ABCA8: variants seen among roughly 807,000 people sequenced by gnomAD.
ABCA8 encodes ABC-type organic anion transporter ABCA8.
Under a neutral mutation model 192.3 loss-of-function variants are expected in ABCA8, and 177 were observed. The observed-to-expected ratio is 0.92, with a 90% CI of 0.81 to 1.04. ABCA8 has a LOEUF of 1.04. Among genes scored for constraint, ABCA8 ranks in the 50% least tolerant of loss-of-function variants. ABCA8 has a pLI of 0.00. For synonymous variants in ABCA8, 642 were observed against 690.2 expected, an observed-to-expected ratio of 0.93 and a Z score of 1.09; for missense variants, 1,915 against 1,904.8, an observed-to-expected ratio of 1.01 and a Z score of -0.10.
chr17:68,875,197 C>T, intron 37 of ABCA8, 63 bp downstream of exon 37: 3 of 1,600,394 alleles, frequency 1.9e-6, no homozygotes, highest in Non-Finnish European at 2.6e-6. Flanking sequence ...GACTATCACT[C>T]AACATAACTG....
chr17:68,867,994 T>G lies in ABCA8; in HGVS notation c.*91A>C. On this transcript the variant is annotated 3_prime_UTR_variant, in exon 40 of 40. Transcript: ENST00000586539. ...CGGAGAACCATTTCTGTACTTATAA[T>G]ATAGTTTCTAAAAATAGAACATTGC... is the stretch of plus-strand genomic sequence containing the variant. The G allele has an allele frequency of 1.0e-6, 1 of 971,554 alleles. No individual in the cohort carries two copies. The allele number at this position is 971,554 out of a possible 1,614,324, so 60.2% of individuals were successfully genotyped here. A position where few individuals can be genotyped will look rare whatever the true frequency, so the allele number is the denominator to read the frequency against.
At chr17:68,922,434 CTG>C in intron 11 of ABCA8, 134 bp from the exon 12 acceptor site, 1 of 599,260 alleles carries the variant, frequency 1.7e-6, no homozygotes, top group Non-Finnish European at 2.7e-6. Context: ...ACAGTCATAG[CTG>C]TGTGACAGAA....
In ABCA8 at chr17:68,910,164, A is replaced by G. The variant is rs189025819; in HGVS notation, c.2139-2285T>C. On this transcript the variant is annotated intron_variant, in intron 17 of 39. Transcript: ENST00000586539. The stretch of plus-strand genomic sequence containing the variant: ...CCACACAAGGAAGCACCTTCATAAG[A>G]ACAAAAAAATCAGGTGAGCAATGAT... Among the ~76,000 whole-genome samples the G allele has an allele frequency of 3.0e-3, 451 of 152,324 alleles. 5 individuals carry two copies. The highest frequency in any genetic ancestry group is 4.6e-3 in the Non-Finnish European group (315 of 68,026).
chr17:68,922,965 A>G (rs1302309169), intron 11 of ABCA8, among the ~76,000 whole-genome samples: 1 of 152,172 alleles, frequency 6.6e-6, no homozygotes, highest in Non-Finnish European at 1.5e-5. Context: ...TACAGTGCAT[A>G]TAAGATGATA....
chr17:68,940,942 G>C lies in ABCA8; in HGVS notation c.117C>G (p.Leu39=), dbSNP rs2068210481. 1.2e-6 allele frequency: 2 copies of C among 1,609,290 alleles called. No homozygotes were observed. The highest frequency in any genetic ancestry group is 1.7e-6 in the Non-Finnish European group (2 of 1,175,996). ...ESLMEWLNSL[L]LLLCLYIYPH... The stretch of plus-strand genomic sequence containing the variant: ...GATATATATACAAACAAAGTAGTAG[G>C]AGCAATGAATTCAGCCATTCCTATA... The change falls in exon 4 of 40, where the codon CTC becomes CTG. Residue 39 remains leucine (L), a synonymous_variant. Coordinates refer to ENST00000586539, the MANE Select transcript of ABCA8 (RefSeq NM_001288985.2).
intron 21 of ABCA8, among the ~76,000 whole-genome samples, chr17:68,902,296 G>A (rs571019420): frequency 2.1e-4 from 32 of 152,284 alleles, no homozygotes; most frequent in South Asian, 6.2e-4. Flanking sequence ...GGGGAGGGAC[G>A]ACATGGGAGT....
intron 38 of ABCA8, 57 bp from the exon 39 acceptor site, chr17:68,868,413 A>G: frequency 7.1e-7 from 1 of 1,412,028 alleles, no homozygotes; most frequent in East Asian, 2.3e-5. Context: ...GGTCTCATAA[A>G]TCAGCATATA....
intron 1 of ABCA8, among the ~76,000 whole-genome samples, chr17:68,951,113 G>T (rs11655684): frequency 0.38 from 57,404 of 151,938 alleles, 12,850 homozygotes; most frequent in Non-Finnish European, 0.51. Context: ...TCCAAGATCA[G>T]CAGTTTCTTA....
At chr17:68,926,533 T>C (rs2067703910) in intron 10 of ABCA8, among the ~76,000 whole-genome samples, 1 of 152,090 alleles carries the variant, frequency 6.6e-6, no homozygotes, top group Non-Finnish European at 1.5e-5. Context: ...AAATAAGCAA[T>C]GTTAACAAGG....
At chr17:68,876,414 C>T in intron 35 of ABCA8, 46 bp downstream of exon 35, 1 of 1,611,980 alleles carries the variant, frequency 6.2e-7, no homozygotes, top group Non-Finnish European at 8.5e-7. Flanking sequence ...TCACAGGCTC[C>T]ATGCAAGTCA....
Position 68,911,482 on chromosome 17 carries a change from C to G in ABCA8, c.2139-3603G>C, listed in dbSNP as rs143200135. The stretch of plus-strand genomic sequence containing the variant: ...AGGTCCTTCCTCCCAGAAGGCATTT[C>G]TGGACCCACCCTGGGCCAGTGGGAA... On this transcript the variant is annotated intron_variant, in intron 17 of 39. Coordinates refer to ENST00000586539, the MANE Select transcript of ABCA8 (RefSeq NM_001288985.2). The surrounding 1 kb of genome is among the most constrained non-coding windows in gnomAD (Gnocchi z 5.7). Among the ~76,000 whole-genome samples the G allele has an allele frequency of 2.0e-5, 3 of 152,072 alleles. No homozygotes were observed. The highest frequency in any genetic ancestry group is 2.0e-4 in the Admixed American group (3 of 15,282).
chr17:68,896,109 G>A (rs1020504803), intron 21 of ABCA8, among the ~76,000 whole-genome samples: 1 of 145,560 alleles, frequency 6.9e-6, no homozygotes, highest in African/African-American at 2.5e-5. Flanking sequence ...AGTATGTGCT[G>A]AAACTCTCCC....
In ABCA8 at chr17:68,887,012, C is replaced by T; in HGVS notation, c.3429+5G>A. 1 of 1,574,852 alleles carries T rather than the reference C, an allele frequency of 6.3e-7. No homozygotes were observed. The highest frequency in any genetic ancestry group is 8.7e-7 in the Non-Finnish European group (1 of 1,145,750). On this transcript the variant is annotated splice_donor_5th_base_variant and intron_variant, in intron 26 of 39. Transcript: ENST00000586539. ...ACAGTATACATCCACAAGAAATATACTTACAACATAGAAACAAAATGACCA... is the reference window on the plus strand; with the variant it reads ...ACAGTATACATCCACAAGAAATATATTTACAACATAGAAACAAAATGACCA...
At chr17:68,920,071 T>TA (rs2067493160) in intron 13 of ABCA8, 2 of 152,100 alleles carry the variant, frequency 1.3e-5, no homozygotes, top group Admixed American at 1.3e-4. Context: ...TATGCAGCTA[T>TA]AAAAAAGAAT....
At chr17:68,934,571 C>T (rs60788805) in intron 5 of ABCA8, among the ~76,000 whole-genome samples, 14,223 of 152,090 alleles carry the variant, frequency 0.094, 1,377 homozygotes, top group African/African-American at 0.23. Flanking sequence ...CATTTAAATG[C>T]CTTGGGTCTA....
At position 68,929,707 on chromosome 17, in the gene ABCA8, T is replaced by A. The variant is rs746441815; in HGVS notation, c.798-5A>T. 1 of 1,592,710 alleles carries A rather than the reference T, an allele frequency of 6.3e-7. No homozygotes were observed. The highest frequency in any genetic ancestry group is 1.1e-5 in the South Asian group (1 of 87,706). ...TAGAGCAAACCCCAGGAGAGCCTAATGTGGAAACAAAATGTTATTTTAGTA... is the reference window on the plus strand; with the variant it reads ...TAGAGCAAACCCCAGGAGAGCCTAAAGTGGAAACAAAATGTTATTTTAGTA... On this transcript the variant is annotated splice_region_variant and splice_polypyrimidine_tract_variant and intron_variant, in intron 7 of 39. Coordinates refer to ENST00000586539, the MANE Select transcript of ABCA8 (RefSeq NM_001288985.2).
chr17:68,917,918 C>G lies in ABCA8; in HGVS notation c.2047+129G>C, dbSNP rs990472185. Reference sequence around the variant, plus strand: ...AGGCTTTGCGTCCAGTTCAAATTACCACCAGCCATTCAATTTACCAGATAC... The same window carrying G: ...AGGCTTTGCGTCCAGTTCAAATTACGACCAGCCATTCAATTTACCAGATAC... On this transcript the variant is annotated intron_variant, in intron 16 of 39. Coordinates refer to ENST00000586539, the MANE Select transcript of ABCA8 (RefSeq NM_001288985.2). The G allele has an allele frequency of 4.4e-6, 5 of 1,134,148 alleles. No homozygotes were observed. The African/African-American group carries it at 7.8e-5, about 18-fold the overall frequency. The allele number at this position is 1,134,148 out of a possible 1,614,324, so 70.3% of individuals were successfully genotyped here.
Position 68,932,470 on chromosome 17 carries a change from A to C in ABCA8, c.615T>G (p.Thr205=). 1 of 1,613,994 alleles carries C rather than the reference A, an allele frequency of 6.2e-7. No individual in the cohort carries two copies. The change falls in exon 7 of 40, where the codon ACT becomes ACG. Residue 205 remains threonine (T), a synonymous_variant. Coordinates refer to ENST00000586539, the MANE Select transcript of ABCA8 (RefSeq NM_001288985.2). The stretch of plus-strand genomic sequence containing the variant: ...AGGAATGCATCTTCATATTTTTTCC[A>C]GTAACTGACATCAGCTCCTCCATCA... ...HSVMEELMSV[T]GKNMKMHSFI...
At chr17:68,928,603 A>T (rs1263430134) in intron 9 of ABCA8, among the ~76,000 whole-genome samples, 2 of 152,232 alleles carry the variant, frequency 1.3e-5, no homozygotes, top group Non-Finnish European at 2.9e-5. Context: ...ATTCAATAAG[A>T]ATCACATAAA....
Sources: gnomAD v4.1 joint callset for allele counts (sites outside exome capture counted in the v4.1 genomes callset) on GRCh38, gnomAD v4.1.1 for gene constraint, Gnocchi (gnomAD v3.1) non-coding constraint, MANE v1.5 for transcripts, NCBI Gene and HGNC (gene_info 2026-07-23, HGNC 2026-07-21) for gene names.